The following PCNT variants were observed in gnomAD, a reference collection of about 807,000 sequenced individuals.
The protein encoded by PCNT is pericentrin, also known as kendrin.
In PCNT, 319 loss-of-function variants were observed where a neutral mutation model predicts 380.4. The observed-to-expected ratio is 0.84, with a 90% CI of 0.77 to 0.92. The LOEUF (loss-of-function observed/expected upper bound fraction) is 0.92. Among genes scored for constraint, PCNT ranks in the 40% least tolerant of loss-of-function variants. The probability of loss-of-function intolerance (pLI) is 0.00; values close to 1 mark genes in which losing one functional copy is unlikely to be tolerated. For synonymous variants in PCNT, 1,845 were observed against 1,735.2 expected, an observed-to-expected ratio of 1.06 and a Z score of -1.57; for missense variants, 4,400 against 4,255.3, an observed-to-expected ratio of 1.03 and a Z score of -0.95.
chr21:46,400,711 G>C (rs1001240750), intron 25 of PCNT, among the ~76,000 whole-genome samples: 3 of 151,966 alleles, frequency 2.0e-5, no homozygotes, highest in Admixed American at 2.0e-4. Context: ...ATAGAGATGG[G>C]GTTTCACCAT....
chr21:46,364,906 G>C (rs2084846213), intron 14 of PCNT, among the ~76,000 whole-genome samples: 1 of 152,264 alleles, frequency 6.6e-6, no homozygotes, highest in Non-Finnish European at 1.5e-5. Context: ...CCTCAAGAGA[G>C]GCTTCCAGGC....
intron 34 of PCNT, among the ~76,000 whole-genome samples, 153 bp downstream of exon 34, chr21:46,427,948 C>T (rs796429587): frequency 2.6e-4 from 39 of 152,354 alleles, no homozygotes; most frequent in African/African-American, 8.7e-4. Flanking sequence ...TGTTGACGCT[C>T]AGTCCATGCA....
chr21:46,396,427 G>A (rs1417170433), intron 21 of PCNT, among the ~76,000 whole-genome samples: 2 of 152,206 alleles, frequency 1.3e-5, no homozygotes, highest in African/African-American at 2.4e-5. Context: ...CAGAAGGGCC[G>A]AGTGGGAGGA....
At chr21:46,368,191 A>T (rs2084993262) in intron 15 of PCNT, among the ~76,000 whole-genome samples, 1 of 152,044 alleles carries the variant, frequency 6.6e-6, no homozygotes, top group South Asian at 2.1e-4. Flanking sequence ...CACACCTGTA[A>T]TCCCAGCACT....
At chr21:46,444,970 C>A in intron 46 of PCNT, 149 bp downstream of exon 46, 1 of 786,420 alleles carries the variant, frequency 1.3e-6, no homozygotes, top group East Asian at 2.6e-5. Flanking sequence ...AGAATAGAGG[C>A]TACAAGTGAA....
At chr21:46,401,777 TTC>T in intron 26 of PCNT, 56 bp downstream of exon 26, 1 of 1,550,424 alleles carries the variant, frequency 6.4e-7, no homozygotes, top group Non-Finnish European at 8.9e-7. Flanking sequence ...TCCAGTGGGC[TTC>T]TCTGTGGCAG....
intron 14 of PCNT, 93 bp downstream of exon 14, chr21:46,364,027 G>C: frequency 8.8e-7 from 1 of 1,142,584 alleles, no homozygotes; most frequent in Non-Finnish European, 1.3e-6. Context: ...GGCGCTGTGG[G>C]CTCCACTGGG....
chr21:46,403,923 ACGCGGCG>A, intron 27 of PCNT, among the ~76,000 whole-genome samples: 2 of 131,380 alleles, frequency 1.5e-5, no homozygotes, highest in South Asian at 2.6e-4. Flanking sequence ...TGTGGTGCCC[ACGCGGCG>A]CGTGCTCGGT....
In PCNT at chr21:46,351,555, T is replaced by G. The variant is rs760378323; in HGVS notation, c.1456+15T>G. The stretch of plus-strand genomic sequence containing the variant: ...GGAATTGAGTGGTGAGGAATTGTAT[T>G]GGAAAATTCAGATCCTCAAAAGCTG... On this transcript the variant is annotated intron_variant, in intron 9 of 46. Transcript: ENST00000359568. The G allele has an allele frequency of 7.0e-7, 1 of 1,438,170 alleles. No individual in the cohort carries two copies. The highest frequency in any genetic ancestry group is 1.7e-5 in the Admixed American group (1 of 59,812). 89.1% of individuals were successfully genotyped at this position (1,438,170 alleles called of 1,614,324 possible).
At chr21:46,351,625 CA>C in intron 9 of PCNT, 85 bp downstream of exon 9, 1 of 850,298 alleles carries the variant, frequency 1.2e-6, no homozygotes. Flanking sequence ...CAGAATTTAA[CA>C]ATTCTAGCAA....
In PCNT at chr21:46,366,671, T is replaced by G; in HGVS notation, c.2697T>G (p.Arg899=). ...FLQEAQEQHA[R]ELQLLQERHQ... ...AGGAGGCCCAGGAGCAGCATGCCCG[T>G]GAGCTGCAGCTCCTCCAGGAGAGAC... The change falls in exon 15 of 47, where the codon CGT becomes CGG. Residue 899 remains arginine (R), a synonymous_variant. Coordinates refer to ENST00000359568, the MANE Select transcript of PCNT (RefSeq NM_006031.6). 6.2e-7 allele frequency: 1 copy of G among 1,613,402 alleles called. No homozygotes were observed. Among genetic ancestry groups the G allele is most frequent in the Non-Finnish European group, 8.5e-7 (1 of 1,179,894 alleles).
At chr21:46,373,729 C>CTTTT (rs57604484) in intron 15 of PCNT, among the ~76,000 whole-genome samples, 6 of 63,114 alleles carry the variant, frequency 9.5e-5, no homozygotes, top group Admixed American at 2.1e-4. Context: ...CCAGCCTTAG[C>CTTTT]TTTTTTTTTT....
At chr21:46,429,945 C>T (rs1016285899) in intron 35 of PCNT, 65 bp from the exon 36 acceptor site, 1 of 1,331,914 alleles carries the variant, frequency 7.5e-7, no homozygotes, top group Non-Finnish European at 1.1e-6. Context: ...TGTCTCTAAC[C>T]TGGTGTCACT....
chr21:46,359,223 G>A (rs1172996120), intron 13 of PCNT, among the ~76,000 whole-genome samples: 1 of 149,686 alleles, frequency 6.7e-6, no homozygotes, highest in Non-Finnish European at 1.5e-5. Context: ...AAAGTGTTGG[G>A]ACTACAGGCG....
At chr21:46,326,738 G>A in intron 2 of PCNT, 149 bp downstream of exon 2, 1 of 913,880 alleles carries the variant, frequency 1.1e-6, no homozygotes, top group South Asian at 1.5e-5. Context: ...TGAGGGCCGG[G>A]TGCAGTGGCT....
intron 24 of PCNT, among the ~76,000 whole-genome samples, chr21:46,398,976 C>T (rs1264392314): frequency 7.9e-5 from 12 of 152,100 alleles, no homozygotes; most frequent in African/African-American, 2.7e-4. Flanking sequence ...CCCGCCACCA[C>T]ACCCCGCTAA....
chr21:46,411,774 A>G lies in PCNT; in HGVS notation c.5701A>G (p.Ile1901Val), dbSNP rs780828925. The G allele has an allele frequency of 1.1e-5, 17 of 1,606,454 alleles. No individual in the cohort carries two copies. In the East Asian group the frequency reaches 2.0e-4, roughly 19 times the overall value. ...LEAVLLALAR[I>V]RRALEQQPLA... ...GGCCGTCCTGTTGGCCTTGGCCCGCATCCGCCGCGCCCTGGAGCAGCAGCC... is the reference window on the plus strand; with the variant it reads ...GGCCGTCCTGTTGGCCTTGGCCCGCGTCCGCCGCGCCCTGGAGCAGCAGCC... Residue 1901 changes from isoleucine to valine, a missense_variant, in exon 28 of 47, where the codon ATC becomes GTC. Transcript: ENST00000359568.
At chr21:46,366,290 G>A (rs1235040922) in intron 14 of PCNT, among the ~76,000 whole-genome samples, 1 of 152,142 alleles carries the variant, frequency 6.6e-6, no homozygotes, top group Non-Finnish European at 1.5e-5. Context: ...TGGCGGGGAT[G>A]TGTGTGTGCC....
rs773279236 is a variant in PCNT at position 46,366,980 on chromosome 21, G to T, written c.3006G>T (p.Trp1002Cys). 1 of 1,614,202 alleles carries T rather than the reference G, an allele frequency of 6.2e-7. No homozygotes were observed. The highest frequency in any genetic ancestry group is 8.5e-7 in the Non-Finnish European group (1 of 1,180,026). ...GAGCAGACTTTGAGGAACAACTGTGGAAAAAGGACTCTCTTCACCAAACGA... is the reference window on the plus strand; with the variant it reads ...GAGCAGACTTTGAGGAACAACTGTGTAAAAAGGACTCTCTTCACCAAACGA... Reference protein sequence around the residue: ...LLRADFEEQLWKKDSLHQTIL... With the variant: ...LLRADFEEQLCKKDSLHQTIL... Residue 1002 changes from tryptophan (W) to cysteine (C), a missense_variant, in exon 15 of 47, where the codon TGG (tryptophan) becomes TGT (cysteine). Trp to Cys is a radical substitution (Grantham distance 215). Transcript: ENST00000359568.
Sources: allele counts gnomAD v4.1 joint callset (sites outside exome capture counted in the v4.1 genomes callset), GRCh38; gene constraint gnomAD v4.1.1; transcripts MANE v1.5; gene names NCBI Gene and HGNC (gene_info 2026-07-23, HGNC 2026-07-21).